Variants in RFC4 observed in about 807,000 individuals in gnomAD.
RFC4 encodes replication factor C subunit 4, also known as A1 37 kDa subunit.
In RFC4, 38 loss-of-function variants were observed where a neutral mutation model predicts 47.6. That is an observed-to-expected ratio of 0.80 (90% CI 0.62 to 1.05). The LOEUF is 1.05. RFC4 is among the 50% of genes least tolerant of loss of function. The pLI, the probability that RFC4 is intolerant of heterozygous loss-of-function variation, is 0.00. For missense variants in RFC4, 489 were observed against 434.0 expected (o/e 1.13, Z -1.13); for synonymous variants, 164 against 150.0 (o/e 1.09, Z -0.68).
intron 6 of RFC4, 90 bp from the exon 7 acceptor site, chr3:186,792,700 T>C: frequency 2.6e-6 from 4 of 1,558,528 alleles, no homozygotes; most frequent in Non-Finnish European, 3.5e-6. Context: ...CAAGATTTGA[T>C]GGAGGAAAAA....
Position 186,797,628 on chromosome 3 carries a change from A to T in RFC4, c.211-14T>A. On this transcript the variant is annotated splice_polypyrimidine_tract_variant and intron_variant, in intron 3 of 10. Transcript: ENST00000296273. The stretch of plus-strand genomic sequence containing the variant: ...GAGATTAGGAAGCTGTAGAAATTAA[A>T]TTTTATTTTTAATAAATGGTATTCT... 1 of 1,564,410 alleles carries T rather than the reference A, an allele frequency of 6.4e-7. No individual in the cohort carries two copies. The highest frequency in any genetic ancestry group is 8.8e-7 in the Non-Finnish European group (1 of 1,142,032).
intron 6 of RFC4, 51 bp downstream of exon 6, chr3:186,792,753 G>A (rs1175325905): frequency 6.4e-7 from 1 of 1,566,762 alleles, no homozygotes; most frequent in African/African-American, 1.4e-5. Flanking sequence ...TCCCTAATTG[G>A]GTTATGAAAA....
In RFC4 at chr3:186,804,671, G is replaced by A. The variant is rs769421551; in HGVS notation, c.43C>T (p.Pro15Ser). 3.3e-5 allele frequency: 54 copies of A among 1,613,956 alleles called. No homozygotes were observed. The highest frequency in any genetic ancestry group is 9.3e-6 in the Non-Finnish European group (11 of 1,180,008). Residue 15 changes from proline (P) to serine (S), a missense_variant, in exon 2 of 11, where the codon CCG becomes TCG. Around this residue, in one of 2 missense-constraint regions of RFC4, gnomAD observed 206 missense variants for 257.8 expected, o/e 0.80. Transcript: ENST00000296273. ...GCTACTCCTCGATCCTTGGTCAGCG[G>A]GGGTTTAGTACTGATGGATGTACCT... ...LKGTSISTKP[P>S]LTKDRGVAAS...
chr3:186,795,207 T>C (rs1488649419), intron 4 of RFC4, among the ~76,000 whole-genome samples: 3 of 152,206 alleles, frequency 2.0e-5, no homozygotes, highest in Admixed American at 1.3e-4. Flanking sequence ...GGACTCATTA[T>C]GTGGCCAGGC....
chr3:186,798,099 AAG>A (rs956954940), intron 3 of RFC4, among the ~76,000 whole-genome samples: 8 of 152,302 alleles, frequency 5.3e-5, no homozygotes, highest in African/African-American at 1.9e-4. Flanking sequence ...GGATGAGCAG[AAG>A]TACCAAGAAC....
intron 3 of RFC4, among the ~76,000 whole-genome samples, chr3:186,800,683 A>T (rs1012790392): frequency 3.3e-5 from 5 of 152,232 alleles, no homozygotes; most frequent in African/African-American, 1.2e-4. Context: ...TTATAGGTCA[A>T]TCCAAATCCT....
intron 8 of RFC4, among the ~76,000 whole-genome samples, 191 bp from the exon 9 acceptor site, chr3:186,790,597 C>T (rs1016478923): frequency 2.0e-5 from 3 of 152,204 alleles, no homozygotes; most frequent in East Asian, 3.8e-4. Flanking sequence ...GTGCTAACAA[C>T]TGTGCTTTTA....
intron 3 of RFC4, among the ~76,000 whole-genome samples, chr3:186,800,352 G>A (rs1722327323): frequency 1.3e-5 from 2 of 152,164 alleles, no homozygotes; most frequent in South Asian, 4.1e-4. Flanking sequence ...TTCAAAATGT[G>A]TACTGTAGTA....
At chr3:186,791,075 T>C (rs1229823404) in intron 8 of RFC4, among the ~76,000 whole-genome samples, 3 of 133,640 alleles carry the variant, frequency 2.2e-5, no homozygotes, top group African/African-American at 1.0e-4. Flanking sequence ...CTTTAATAAA[T>C]GATTACTGTA....
chr3:186,792,378 G>T, intron 7 of RFC4, 112 bp downstream of exon 7: 2 of 871,630 alleles, frequency 2.3e-6, no homozygotes, highest in Non-Finnish European at 1.8e-6. Flanking sequence ...AAGTTTGTCT[G>T]AAGAACTGGC....
intron 2 of RFC4, among the ~76,000 whole-genome samples, chr3:186,803,655 C>A (rs1283746986): frequency 2.0e-5 from 3 of 151,146 alleles, no homozygotes; most frequent in Non-Finnish European, 4.4e-5. Flanking sequence ...AGGTGCCCGC[C>A]AACATGCCTG....
rs752821062 is a variant in RFC4, at chr3:186,793,019, C to T, written c.411-72G>A. The T allele has an allele frequency of 5.6e-6, 7 of 1,250,956 alleles. No homozygotes were observed. In the African/African-American group the frequency reaches 7.5e-5, roughly 13 times the overall value. 77.5% of individuals were successfully genotyped at this position (1,250,956 alleles called of 1,614,324 possible). On this transcript the variant is annotated intron_variant, in intron 5 of 10. Coordinates refer to ENST00000296273, the MANE Select transcript of RFC4 (RefSeq NM_002916.5). This position sits in a 1 kb window ranked among gnomAD's most constrained non-coding sequence, Gnocchi z 4.2. ...GTTTTAACAGCTTTGTTGAAAGATACACGTACCATACAATTCACCCATTTA... is the reference window on the plus strand; with the variant it reads ...GTTTTAACAGCTTTGTTGAAAGATATACGTACCATACAATTCACCCATTTA...
chr3:186,801,020 G>C (rs1239780474), intron 3 of RFC4, 97 bp downstream of exon 3: 2 of 885,336 alleles, frequency 2.3e-6, no homozygotes, highest in Non-Finnish European at 3.8e-6. Context: ...CACAGAGCAA[G>C]ATATTTAACG....
In RFC4 at chr3:186,797,565, G is replaced by A; in HGVS notation, c.260C>T (p.Thr87Ile). 1 of 1,612,292 alleles carries A rather than the reference G, an allele frequency of 6.2e-7. No individual in the cohort carries two copies. The highest frequency in any genetic ancestry group is 8.5e-7 in the Non-Finnish European group (1 of 1,178,826). The change falls in exon 4 of 11, where the codon ACT becomes ATT. Residue 87 changes from threonine to isoleucine, a missense_variant. Physicochemically the swap from Thr to Ile is moderately conservative, Grantham distance 89. Around this residue, in one of 2 missense-constraint regions of RFC4, gnomAD observed 206 missense variants for 257.8 expected, o/e 0.80. Transcript: ENST00000296273. The part of the protein sequence containing the change: ...YGPPGTGKTS[T>I]ILAAARELFG... ...GAGTTCTCTAGCTGCTGCCAAAATA[G>A]TGGATGTTTTTCCAGTTCCAGGTGG...
chr3:186,805,892 A>G (rs949137502), intron 1 of RFC4, among the ~76,000 whole-genome samples: 4 of 152,220 alleles, frequency 2.6e-5, no homozygotes, highest in Admixed American at 6.5e-5. Context: ...TGAATGAATT[A>G]CCATCTATGA....
intron 8 of RFC4, 103 bp from the exon 9 acceptor site, chr3:186,790,509 A>G (rs1722082575): frequency 2.5e-6 from 2 of 814,766 alleles, no homozygotes; most frequent in Non-Finnish European, 4.3e-6. Context: ...TTCCACACCT[A>G]AGTTCCATAC....
chr3:186,803,112 G>A (rs1017958287), intron 2 of RFC4, among the ~76,000 whole-genome samples: 3 of 152,180 alleles, frequency 2.0e-5, no homozygotes, highest in African/African-American at 7.2e-5. Context: ...GGAGGCCAAG[G>A]CAGGCAGATC....
At chr3:186,799,341 T>C (rs958067133) in intron 3 of RFC4, among the ~76,000 whole-genome samples, 1 of 152,166 alleles carries the variant, frequency 6.6e-6, no homozygotes, top group African/African-American at 2.4e-5. Flanking sequence ...TCTTTTGAAT[T>C]AAAAAAACTA....
chr3:186,801,647 C>T (rs1722355897), intron 2 of RFC4, among the ~76,000 whole-genome samples: 1 of 139,614 alleles, frequency 7.2e-6, no homozygotes, highest in Non-Finnish European at 1.5e-5. Flanking sequence ...GGAGGCAGAG[C>T]TTGCAGTGAG....
Sources: allele counts gnomAD v4.1 joint callset (sites outside exome capture counted in the v4.1 genomes callset), GRCh38; gene constraint gnomAD v4.1.1; regional missense constraint gnomAD v4.1.1; non-coding constraint Gnocchi (gnomAD v3.1); transcripts MANE v1.5; gene names NCBI Gene and HGNC (gene_info 2026-07-23, HGNC 2026-07-21).